The following CASZ1 variants were observed in gnomAD, a reference collection of about 807,000 sequenced individuals.
CASZ1 encodes zinc finger protein castor homolog 1.
A neutral mutation model predicts 135.2 loss-of-function variants in CASZ1; 28 were observed. The observed-to-expected ratio is 0.21, with a 90% CI of 0.15 to 0.28. CASZ1 has a LOEUF of 0.28. CASZ1 is among the 10% of genes least tolerant of loss of function. The probability of loss-of-function intolerance (pLI) is 1.00; values close to 1 mark genes in which losing one functional copy is unlikely to be tolerated. For missense variants in CASZ1, 2,161 were observed against 2,453.3 expected (o/e 0.88, Z 2.52); for synonymous variants, 1,068 against 1,073.4 (o/e 0.99, Z 0.10).
chr1:10,752,863 C>G (rs944047253), intron 2 of CASZ1, among the ~76,000 whole-genome samples: 25 of 152,122 alleles, frequency 1.6e-4, no homozygotes, highest in Admixed American at 1.2e-3. Flanking sequence ...TGGTGAAACC[C>G]CGACTCTACC....
intron 2 of CASZ1, among the ~76,000 whole-genome samples, chr1:10,753,743 T>A (rs972019348): frequency 6.6e-6 from 1 of 152,116 alleles, no homozygotes. Flanking sequence ...CGCTCCCAGA[T>A]GAAACATCGA....
In CASZ1 at chr1:10,755,365, G is replaced by T. The variant is rs1017291361; in HGVS notation, c.-77+5336C>A. ...TCAGGACTCCGGGACTCCTCCATGT[G>T]TGAGACCTGACGTCGCCTCTCCAAT... On this transcript the variant is annotated intron_variant, in intron 2 of 20. Coordinates refer to ENST00000377022, the MANE Select transcript of CASZ1 (RefSeq NM_001079843.3). The surrounding 1 kb of genome is among the most constrained non-coding windows in gnomAD (Gnocchi z 4.3). Among the ~76,000 whole-genome samples, 15 of 152,314 alleles carry T rather than the reference G, an allele frequency of 9.8e-5. 1 individual carries two copies. Among genetic ancestry groups the T allele is most frequent in the African/African-American group, 3.4e-4 (14 of 41,560 alleles).
chr1:10,649,090 G>A lies in CASZ1; in HGVS notation c.3138C>T (p.Asp1046=), dbSNP rs1642467176. Residue 1046 remains aspartate, a synonymous_variant, in exon 15 of 21, where the codon GAC becomes GAT. Coordinates refer to ENST00000377022, the MANE Select transcript of CASZ1 (RefSeq NM_001079843.3). ...CTCACTTTGCGTGCTTGATGGCCCC[G>A]TCCAAGGTGCTGAAGAGCGCGCCGC... ...EECGALFSTL[D]GAIKHANFHF... 2.5e-6 allele frequency: 4 copies of A among 1,613,376 alleles called. No individual in the cohort carries two copies. The highest frequency in any genetic ancestry group is 1.3e-5 in the African/African-American group (1 of 75,044).
At chr1:10,653,133 G>T in intron 11 of CASZ1, 1 of 590,070 alleles carries the variant, frequency 1.7e-6, no homozygotes, top group East Asian at 3.1e-5. Context: ...AGGGACCATC[G>T]CCCCCAGCTC....
At chr1:10,687,026 C>T (rs2100383361) in intron 4 of CASZ1, among the ~76,000 whole-genome samples, 1 of 152,330 alleles carries the variant, frequency 6.6e-6, no homozygotes, top group Middle Eastern at 3.4e-3. Context: ...GTGAGGATCA[C>T]AGCTGCAGGG....
In CASZ1 at chr1:10,754,399, G is replaced by A. The variant is rs183817844; in HGVS notation, c.-77+6302C>T. On this transcript the variant is annotated intron_variant, in intron 2 of 20. Coordinates refer to ENST00000377022, the MANE Select transcript of CASZ1 (RefSeq NM_001079843.3). ...TGACTACCCACAGTGTCGCTGAATGGAAATGGAAAATGAATAGCCAGAGGT... is the reference window on the plus strand; with the variant it reads ...TGACTACCCACAGTGTCGCTGAATGAAAATGGAAAATGAATAGCCAGAGGT... Among the ~76,000 whole-genome samples the A allele has an allele frequency of 8.3e-3, 1,262 of 152,276 alleles. 10 individuals carry two copies. Among genetic ancestry groups the A allele is most frequent in the Non-Finnish European group, 0.014 (930 of 68,018 alleles).
chr1:10,765,763 C>T (rs1015205700), intron 1 of CASZ1, among the ~76,000 whole-genome samples: 17 of 152,154 alleles, frequency 1.1e-4, no homozygotes, highest in Non-Finnish European at 1.8e-4. Flanking sequence ...GCTGCTTATG[C>T]GGCCTTTCCA....
rs185038203 is a variant in CASZ1 at position 10,672,481 on chromosome 1, C to T, written c.17-6910G>A. On this transcript the variant is annotated intron_variant, in intron 4 of 20. Coordinates refer to ENST00000377022, the MANE Select transcript of CASZ1 (RefSeq NM_001079843.3). ...CCAGCCCGCGCTCCAGCCCTCCGCC[C>T]GCCGGCCCGCCCCCCTCCCCGGGCC... Among the ~76,000 whole-genome samples, 885 of 150,344 alleles carry T rather than the reference C, an allele frequency of 5.9e-3. 11 individuals carry two copies. The highest frequency in any genetic ancestry group is 0.02 in the African/African-American group (813 of 40,862).
Position 10,711,789 on chromosome 1 carries a change from G to C in CASZ1, c.-76-6245C>G, listed in dbSNP as rs759625124. On this transcript the variant is annotated intron_variant, in intron 2 of 20. Coordinates refer to ENST00000377022, the MANE Select transcript of CASZ1 (RefSeq NM_001079843.3). The surrounding 1 kb of genome is among the most constrained non-coding windows in gnomAD (Gnocchi z 4.4). ...TCTGATATGGGCTACAATGTGGATA[G>C]ACCTGGAAATGTTGAACGAGAAAGG... 4.6e-5 allele frequency among the ~76,000 whole-genome samples: 7 copies of C among 152,100 alleles called. No individual in the cohort carries two copies. Among genetic ancestry groups the C allele is most frequent in the African/African-American group, 7.2e-5 (3 of 41,382 alleles).
rs568425623 is a variant in CASZ1 at position 10,701,743 on chromosome 1, C to T, written c.-24+3749G>A. On this transcript the variant is annotated intron_variant, in intron 3 of 20. Transcript: ENST00000377022. The surrounding 1 kb of genome is among the most constrained non-coding windows in gnomAD (Gnocchi z 6.3). ...TGAGGGCTGGCAGCCTTGGCCGGGA[C>T]GGACTGGGGCCAGGGCTCAGGCCTG... 4.6e-5 allele frequency among the ~76,000 whole-genome samples: 7 copies of T among 152,312 alleles called. No homozygotes were observed. Among genetic ancestry groups the T allele is most frequent in the South Asian group, 2.1e-4 (1 of 4,824 alleles).
chr1:10,794,196 TGTGC>T lies in CASZ1; in HGVS notation c.-234+2364_-234+2367del, dbSNP rs931028196. Among the ~76,000 whole-genome samples the T allele has an allele frequency of 3.3e-5, 5 of 150,522 alleles. No individual in the cohort carries two copies. Among genetic ancestry groups the T allele is most frequent in the African/African-American group, 1.0e-4 (4 of 40,172 alleles). The stretch of plus-strand genomic sequence containing the variant: ...GTATGCGTGTGTGTGTGTGTGTGTG[TGTGC>T]GCGCGCGCGCGCGTCGTGGGTTGGG... On this transcript the variant is annotated intron_variant, in intron 1 of 20. Coordinates refer to ENST00000377022, the MANE Select transcript of CASZ1 (RefSeq NM_001079843.3). This position sits in a 1 kb window ranked among gnomAD's most constrained non-coding sequence, Gnocchi z 5.6.
At chr1:10,674,743 A>G (rs284315) in intron 4 of CASZ1, among the ~76,000 whole-genome samples, 80,714 of 152,082 alleles carry the variant, frequency 0.53, 21,986 homozygotes, top group Middle Eastern at 0.68. Flanking sequence ...CCTGGAGTTC[A>G]GCCCCGTGTG....
rs199867187 is a variant in CASZ1, at chr1:10,637,821, G to GA, written c.*1120dup. 2,062 of 144,320 alleles carry GA rather than the reference G, an allele frequency of 0.014. 15 individuals carry two copies. The highest frequency in any genetic ancestry group is 0.025 in the African/African-American group (970 of 39,558). The allele number at this position is 144,320 out of a possible 1,614,324, so 8.9% of individuals were successfully genotyped here. ...CCAAACAAAGTAATAAAACAAACTGGAAAAAAAAAAAAGCCCTATAAAGCC... is the reference window on the plus strand; with the variant it reads ...CCAAACAAAGTAATAAAACAAACTGGAAAAAAAAAAAAAGCCCTATAAAGCC... On this transcript the variant is annotated 3_prime_UTR_variant, in exon 21 of 21. Coordinates refer to ENST00000377022, the MANE Select transcript of CASZ1 (RefSeq NM_001079843.3).
chr1:10,671,131 C>T (rs1421816065), intron 4 of CASZ1, among the ~76,000 whole-genome samples: 4 of 152,208 alleles, frequency 2.6e-5, no homozygotes, highest in African/African-American at 4.8e-5. Flanking sequence ...TATCCAGACG[C>T]GTCTAAGTGG....
Position 10,734,278 on chromosome 1 carries a change from G to GAAAA in CASZ1, c.-77+26419_-77+26422dup, listed in dbSNP as rs36012614. Among the ~76,000 whole-genome samples, 4 of 101,778 alleles carry GAAAA rather than the reference G, an allele frequency of 3.9e-5. No individual in the cohort carries two copies. The East Asian group carries it at 9.5e-4, about 24-fold the overall frequency. 66.8% of individuals were successfully genotyped at this position (101,778 alleles called of 152,430 possible). On this transcript the variant is annotated intron_variant, in intron 2 of 20. Transcript: ENST00000377022. ...AAGTCACCTGCCTGGGAAGAAGCAA[G>GAAAA]AAAAAAAAAAAAAAAAATCCCATGG...
intron 20 of CASZ1, among the ~76,000 whole-genome samples, chr1:10,641,512 A>C (rs1234915994): frequency 6.6e-6 from 1 of 152,222 alleles, no homozygotes; most frequent in Non-Finnish European, 1.5e-5. Context: ...GCCCCTGAGC[A>C]CTGCCGGGGC....
Position 10,724,657 on chromosome 1 carries a change from AG to A in CASZ1, c.-76-19114del, listed in dbSNP as rs1639563218. Among the ~76,000 whole-genome samples the A allele has an allele frequency of 6.6e-6, 1 of 152,220 alleles. No individual in the cohort carries two copies. Among genetic ancestry groups the A allele is most frequent in the Admixed American group, 6.5e-5 (1 of 15,282 alleles). ...CACTTCTCCCCCAGCCAAAGCAAGC[AG>A]GGCCTAGCACGAGCTCCAAGGTTGC... On this transcript the variant is annotated intron_variant, in intron 2 of 20. Transcript: ENST00000377022. The surrounding 1 kb of genome is among the most constrained non-coding windows in gnomAD (Gnocchi z 4.1).
chr1:10,705,344 G>T (rs79008592), intron 3 of CASZ1, 148 bp downstream of exon 3: 5,018 of 152,380 alleles, frequency 0.033, 249 homozygotes, highest in East Asian at 0.19. Flanking sequence ...CGGAATGGGT[G>T]GGGTGGCTGC....
intron 4 of CASZ1, 79 bp from the exon 5 acceptor site, chr1:10,665,650 C>T: frequency 1.4e-6 from 2 of 1,421,598 alleles, no homozygotes; most frequent in Non-Finnish European, 9.2e-7. Context: ...AGCCCTGCAT[C>T]CCCCAAGCTG....
Sources: allele counts gnomAD v4.1 joint callset (sites outside exome capture counted in the v4.1 genomes callset), GRCh38; gene constraint gnomAD v4.1.1; non-coding constraint Gnocchi (gnomAD v3.1); transcripts MANE v1.5; gene names NCBI Gene and HGNC (gene_info 2026-07-23, HGNC 2026-07-21).